Variants in CCDC7 observed in about 807,000 individuals in gnomAD.
CCDC7 encodes the protein coiled-coil domain containing 7, also known as coiled-coil domain-containing protein 7.
A neutral mutation model predicts 196.9 loss-of-function variants in CCDC7; 183 were observed. That is an observed-to-expected ratio of 0.93 (90% CI 0.82 to 1.05). The LOEUF (loss-of-function observed/expected upper bound fraction) is 1.05. CCDC7 is among the 50% of genes least tolerant of loss of function. The pLI is 0.00. For synonymous variants in CCDC7, 525 were observed against 484.6 expected (o/e 1.08, Z -1.10); for missense variants, 1,540 against 1,482.2 (o/e 1.04, Z -0.64).
At chr10:32,726,697 G>A (rs143910120) in intron 25 of CCDC7, 37 bp from the exon 27 acceptor site, 87 of 1,179,862 alleles carry the variant, frequency 7.4e-5, no homozygotes, top group East Asian at 7.2e-5. Flanking sequence ...TTCATTTAGC[G>A]GACTAAATGT....
At chr10:32,698,464 T>C (rs537824720) in intron 24 of CCDC7, among the ~76,000 whole-genome samples, 4 of 152,170 alleles carry the variant, frequency 2.6e-5, no homozygotes, top group Non-Finnish European at 4.4e-5. Flanking sequence ...AAAAAAAGAT[T>C]AGAAGACTGG....
chr10:32,804,928 AAT>A (rs1315782515), intron 29 of CCDC7, 85 bp from the exon 31 acceptor site: 4 of 699,898 alleles, frequency 5.7e-6, no homozygotes, highest in Non-Finnish European at 9.5e-6. Context: ...TGATTAATTT[AAT>A]ACACACACAC....
rs1010018080 is a variant in CCDC7 at position 32,668,976 on chromosome 10, A to G, written c.2122+4815A>G. Among the ~76,000 whole-genome samples, 8 of 152,096 alleles carry G rather than the reference A, an allele frequency of 5.3e-5. No homozygotes were observed. In the South Asian group the frequency reaches 1.4e-3, roughly 28 times the overall value. Reference sequence around the variant, plus strand: ...AATAAGCATCCTTGTCTTGTTTCTTATCTTAGAAGAAACGCTCTCAACTTA... The same window carrying G: ...AATAAGCATCCTTGTCTTGTTTCTTGTCTTAGAAGAAACGCTCTCAACTTA... On this transcript the variant is annotated intron_variant, in intron 21 of 41. Coordinates refer to ENST00000639629, the Ensembl canonical transcript of CCDC7.
In CCDC7 at chr10:32,676,771, G is replaced by A. The variant is rs1417367508; in HGVS notation, c.2123-9199G>A. ...ATAGGAACACTTTTACACTGTTGGT[G>A]GGACTGTAAACTAGTTCACCCATTG... On this transcript the variant is annotated intron_variant, in intron 21 of 41. Transcript: ENST00000639629. Among the ~76,000 whole-genome samples the A allele has an allele frequency of 4.6e-5, 7 of 152,182 alleles. No individual in the cohort carries two copies. The East Asian group carries it at 1.2e-3, about 25-fold the overall frequency.
chr10:32,810,119 A>G (rs1034118802), intron 30 of CCDC7, among the ~76,000 whole-genome samples: 3 of 152,168 alleles, frequency 2.0e-5, no homozygotes, highest in African/African-American at 7.2e-5. Context: ...AAACAACACA[A>G]GAGAAAGAAA....
intron 9 of CCDC7, among the ~76,000 whole-genome samples, chr10:32,514,921 C>T (rs2046789869): frequency 1.3e-5 from 2 of 152,302 alleles, no homozygotes; most frequent in Admixed American, 6.5e-5. Flanking sequence ...AACTCCTAGG[C>T]CCAAGGCATC....
At chr10:32,454,455 A>G (rs2033843668) in intron 2 of CCDC7, among the ~76,000 whole-genome samples, 1 of 152,126 alleles carries the variant, frequency 6.6e-6, no homozygotes, top group African/African-American at 2.4e-5. Context: ...TTGAAAAACT[A>G]GCTATCGGGT....
intron 32 of CCDC7, among the ~76,000 whole-genome samples, chr10:32,827,468 T>C (rs2091296677): frequency 6.6e-6 from 1 of 152,148 alleles, no homozygotes; most frequent in Non-Finnish European, 1.5e-5. Flanking sequence ...CTGCCAAGAC[T>C]ACCATCCGTG....
chr10:32,776,083 A>G (rs1395986195), intron 28 of CCDC7, among the ~76,000 whole-genome samples: 2 of 147,306 alleles, frequency 1.4e-5, no homozygotes, highest in South Asian at 4.5e-4. Flanking sequence ...TTGAACAATG[A>G]GATCACATGG....
chr10:32,718,390 T>A (rs2081936898), intron 25 of CCDC7, among the ~76,000 whole-genome samples: 1 of 152,178 alleles, frequency 6.6e-6, no homozygotes, highest in South Asian at 2.1e-4. Flanking sequence ...ATAAGAGCTA[T>A]TTATGACAAA....
intron 24 of CCDC7, among the ~76,000 whole-genome samples, chr10:32,707,519 G>A (rs1368828344): frequency 1.3e-5 from 2 of 152,148 alleles, no homozygotes; most frequent in Admixed American, 6.6e-5. Flanking sequence ...TAGGAAAAGA[G>A]GAAGTCAAAT....
chr10:32,833,969 C>G (rs2092413851), intron 32 of CCDC7, among the ~76,000 whole-genome samples: 1 of 152,080 alleles, frequency 6.6e-6, no homozygotes, highest in Admixed American at 6.6e-5. Flanking sequence ...CGGTAGATGG[C>G]AAAGCTTCAT....
At chr10:32,745,497 C>T (rs2074563722) in intron 28 of CCDC7, among the ~76,000 whole-genome samples, 1 of 152,072 alleles carries the variant, frequency 6.6e-6, no homozygotes, top group Non-Finnish European at 1.5e-5. Context: ...GAGGAGTTGT[C>T]AGGCTCTTTT....
chr10:32,497,944 T>C (rs549275889), intron 9 of CCDC7, among the ~76,000 whole-genome samples: 1 of 152,148 alleles, frequency 6.6e-6, no homozygotes, highest in South Asian at 2.1e-4. Context: ...GTCCTGGATA[T>C]CCTTGTTAAT....
At chr10:32,677,622 A>T (rs1191626679) in intron 21 of CCDC7, among the ~76,000 whole-genome samples, 1 of 151,482 alleles carries the variant, frequency 6.6e-6, no homozygotes, top group Non-Finnish European at 1.5e-5. Context: ...ATGTGATGTC[A>T]TTTTTTTCTT....
intron 31 of CCDC7, among the ~76,000 whole-genome samples, chr10:32,821,057 A>C (rs1458189724): frequency 6.6e-6 from 1 of 152,230 alleles, no homozygotes; most frequent in Admixed American, 6.5e-5. Flanking sequence ...AAATTTTTAC[A>C]ATCTACCCAT....
chr10:32,543,046 A>C (rs1564600200), intron 11 of CCDC7, among the ~76,000 whole-genome samples: 2 of 152,138 alleles, frequency 1.3e-5, no homozygotes, highest in African/African-American at 2.4e-5. Flanking sequence ...ATTATAACAT[A>C]ATTGATTGAT....
At chr10:32,561,536 G>A (rs2055633260) in intron 13 of CCDC7, among the ~76,000 whole-genome samples, 2 of 152,194 alleles carry the variant, frequency 1.3e-5, no homozygotes, top group Admixed American at 1.3e-4. Context: ...TGAACAACCT[G>A]CTCCTGAATG....
chr10:32,461,524 A>G (rs1440561860), intron 3 of CCDC7, among the ~76,000 whole-genome samples: 1 of 151,848 alleles, frequency 6.6e-6, no homozygotes, highest in Non-Finnish European at 1.5e-5. Flanking sequence ...AAAAATATTA[A>G]GTAGTATTAT....
Sources: allele counts gnomAD v4.1 joint callset (sites outside exome capture counted in the v4.1 genomes callset), GRCh38; gene constraint gnomAD v4.1.1; transcripts MANE v1.5; gene names NCBI Gene and HGNC (gene_info 2026-07-23, HGNC 2026-07-21).